ABCD2: variants seen among roughly 807,000 people sequenced by gnomAD.
ABCD2 encodes the protein ATP-binding cassette sub-family D member 2.
A neutral mutation model predicts 70.9 loss-of-function variants in ABCD2; 36 were observed. The observed-to-expected ratio is 0.51, with a 90% confidence interval of 0.39 to 0.67. The LOEUF (loss-of-function observed/expected upper bound fraction) is 0.67. Among genes scored for constraint, ABCD2 ranks in the 30% least tolerant of loss-of-function variants. The pLI is 0.00. For missense variants in ABCD2, 729 were observed against 890.2 expected (o/e 0.82, Z 2.30); for synonymous variants, 304 against 306.9 (o/e 0.99, Z 0.10).
At chr12:39,534,751 A>G in the ABCD2 span, among the ~76,000 whole-genome samples, 18 of 77,110 alleles carry the variant, frequency 2.3e-4, no homozygotes, top group South Asian at 1.6e-3. Context: ...AAGGAAGGAA[A>G]GAAAGAAAGA....
At chr12:39,602,587 TTCTG>T (rs1941914965) in intron 5 of ABCD2, among the ~76,000 whole-genome samples, 1 of 152,232 alleles carries the variant, frequency 6.6e-6, no homozygotes, top group South Asian at 2.1e-4. Context: ...AAATATAATT[TTCTG>T]TCTGAGTTAG....
rs566826425 is a variant in ABCD2 at position 39,579,561 on chromosome 12, C to T, written c.1851G>A (p.Met617Ile). 2.5e-5 allele frequency: 40 copies of T among 1,613,170 alleles called. No individual in the cohort carries two copies. The South Asian group carries it at 4.3e-4, about 17-fold the overall frequency. Residue 617 changes from methionine to isoleucine, a missense_variant, in exon 8 of 10, where the codon ATG becomes ATA. This residue lies in a region of ABCD2 where 289 missense variants were observed against 328.8 expected (regional missense o/e 0.88). Transcript: ENST00000308666. ...DVLSGGEKQR[M>I]GMARMFYHKP... is the part of the protein sequence containing the mutation. ...TATGATAAAACATACGAGCCATGCC[C>T]ATTCTTTGCTTTTCCCCTCCTGACA...
intron 9 of ABCD2, among the ~76,000 whole-genome samples, chr12:39,565,615 CT>C (rs1941333537): frequency 6.6e-6 from 1 of 152,118 alleles, no homozygotes; most frequent in Admixed American, 6.5e-5. Context: ...ATATAATCCC[CT>C]TTATTTCCTT....
chr12:39,609,770 T>C (rs1010029125), intron 2 of ABCD2, among the ~76,000 whole-genome samples: 1 of 152,232 alleles, frequency 6.6e-6, no homozygotes, highest in Non-Finnish European at 1.5e-5. Context: ...ATTTTTACTT[T>C]TTTTGCACAT....
At chr12:39,588,278 C>T (rs1026686717) in intron 6 of ABCD2, among the ~76,000 whole-genome samples, 5 of 152,056 alleles carry the variant, frequency 3.3e-5, no homozygotes, top group Non-Finnish European at 5.9e-5. Context: ...CAAAAAGATC[C>T]ATCTTAATCC....
intron 6 of ABCD2, among the ~76,000 whole-genome samples, chr12:39,598,197 C>T (rs1159621911): frequency 6.6e-6 from 1 of 152,158 alleles, no homozygotes; most frequent in Non-Finnish European, 1.5e-5. Flanking sequence ...AATGTACATT[C>T]TGATCAATCC....
In ABCD2 at chr12:39,555,593, C is replaced by T. The variant is rs148224445; in HGVS notation, c.2004-1462G>A. ...AAGTGCACAGCTCAGAGAGAAATACCATCTACTTGGGGAAAAGAGAGGGAT... is the reference window on the plus strand; with the variant it reads ...AAGTGCACAGCTCAGAGAGAAATACTATCTACTTGGGGAAAAGAGAGGGAT... On this transcript the variant is annotated intron_variant, in intron 9 of 9. Coordinates refer to ENST00000308666, the MANE Select transcript of ABCD2 (RefSeq NM_005164.4). Among the ~76,000 whole-genome samples the T allele has an allele frequency of 2.0e-5, 3 of 152,196 alleles. No homozygotes were observed. The East Asian group carries it at 5.8e-4, about 29-fold the overall frequency.
chr12:39,566,211 T>C lies in ABCD2; in HGVS notation c.2003+7505A>G, dbSNP rs58337537. ...ATAGTTTCAGAAAGAATGGTACCAG[T>C]TCCTCCTTGTACCTCTGGTAGAATT... On this transcript the variant is annotated intron_variant, in intron 9 of 9. Coordinates refer to ENST00000308666, the MANE Select transcript of ABCD2 (RefSeq NM_005164.4). Among the ~76,000 whole-genome samples the C allele has an allele frequency of 5.9e-3, 898 of 152,314 alleles. 11 individuals are homozygous for C. Among genetic ancestry groups the C allele is most frequent in the African/African-American group, 0.021 (873 of 41,576 alleles).
At chr12:39,569,757 C>T (rs1810423283) in intron 9 of ABCD2, among the ~76,000 whole-genome samples, 2 of 152,098 alleles carry the variant, frequency 1.3e-5, no homozygotes, top group Admixed American at 1.3e-4. Flanking sequence ...CCTATTCAGC[C>T]CTCTTGGCTC....
the ABCD2 span, among the ~76,000 whole-genome samples, chr12:39,539,298 G>A: frequency 7.2e-5 from 11 of 152,260 alleles, no homozygotes; most frequent in African/African-American, 2.2e-4. Flanking sequence ...GCATATTACT[G>A]TTGAAAAACT....
At chr12:39,601,972 A>G (rs1941904138) in intron 5 of ABCD2, among the ~76,000 whole-genome samples, 1 of 151,982 alleles carries the variant, frequency 6.6e-6, no homozygotes, top group African/African-American at 2.4e-5. Context: ...ATTCTCTATT[A>G]GGCATTCTCA....
At position 39,575,285 on chromosome 12, in the gene ABCD2, G is replaced by A. The variant is rs116560709; in HGVS notation, c.1878-1444C>T. 5.4e-3 allele frequency among the ~76,000 whole-genome samples: 823 copies of A among 152,130 alleles called. 7 individuals carry two copies. The highest frequency in any genetic ancestry group is 0.019 in the African/African-American group (773 of 41,504). On this transcript the variant is annotated intron_variant, in intron 8 of 9. Coordinates refer to ENST00000308666, the MANE Select transcript of ABCD2 (RefSeq NM_005164.4). ...GAAAAATGTATGCATCTTACACTCC[G>A]TTGTCATAGCAACCTCTACTCTAGC...
intron 6 of ABCD2, among the ~76,000 whole-genome samples, chr12:39,599,969 G>A (rs542494675): frequency 1.3e-5 from 2 of 152,232 alleles, no homozygotes; most frequent in East Asian, 1.9e-4. Context: ...AATTCTTAGT[G>A]TATAACTTTG....
At chr12:39,555,743 C>T (rs569138794) in intron 9 of ABCD2, among the ~76,000 whole-genome samples, 83 of 152,292 alleles carry the variant, frequency 5.5e-4, no homozygotes, top group African/African-American at 1.8e-3. Context: ...GAACCTGCCT[C>T]AGTGCCAGAC....
chr12:39,586,065 T>A, intron 7 of ABCD2, 87 bp downstream of exon 7: 1 of 1,259,904 alleles, frequency 7.9e-7, no homozygotes, highest in South Asian at 1.6e-5. Context: ...TAGCATACAT[T>A]CAAATTAAAC....
chr12:39,565,599 T>C (rs1941333162), intron 9 of ABCD2, among the ~76,000 whole-genome samples: 1 of 152,206 alleles, frequency 6.6e-6, no homozygotes, highest in South Asian at 2.1e-4. Flanking sequence ...ACTTCCTCTT[T>C]TCCTAATATA....
At chr12:39,562,000 T>C (rs4284427) in intron 9 of ABCD2, among the ~76,000 whole-genome samples, 52,746 of 152,014 alleles carry the variant, frequency 0.35, 11,044 homozygotes, top group African/African-American at 0.59. Flanking sequence ...CTTTTCTCTC[T>C]TGAATGATAT....
intron 2 of ABCD2, among the ~76,000 whole-genome samples, chr12:39,615,523 T>A (rs1486835407): frequency 6.6e-6 from 1 of 152,040 alleles, no homozygotes; most frequent in Non-Finnish European, 1.5e-5. Flanking sequence ...ATTAAATTCT[T>A]TTTAGTAAAT....
chr12:39,607,573 G>T, intron 3 of ABCD2, 26 bp downstream of exon 3: 1 of 1,491,024 alleles, frequency 6.7e-7, no homozygotes, highest in South Asian at 1.2e-5. Context: ...TATTTTAATT[G>T]AATTGACAAT....
Sources: gnomAD v4.1 joint callset for allele counts (sites outside exome capture counted in the v4.1 genomes callset) on GRCh38, gnomAD v4.1.1 for gene constraint, gnomAD v4.1.1 regional missense constraint, MANE v1.5 for transcripts, NCBI Gene and HGNC (gene_info 2026-07-23, HGNC 2026-07-21) for gene names.